PLTP: variants seen among roughly 807,000 people sequenced by gnomAD.
PLTP encodes phospholipid transfer protein, also known as BPI fold containing family E.
PLTP carries 43 observed loss-of-function variants against 54.1 expected under a neutral mutation model. The observed-to-expected ratio is 0.79, with a 90% confidence interval of 0.62 to 1.02. The LOEUF (loss-of-function observed/expected upper bound fraction) is 1.02. PLTP is among the 50% of genes least tolerant of loss of function. PLTP has a pLI of 0.00. For missense variants in PLTP, 604 were observed against 645.9 expected (o/e 0.94, Z 0.70); for synonymous variants, 263 against 264.6 (o/e 0.99, Z 0.06).
chr20:45,903,731 G>A (rs1287459171), intron 10 of PLTP, among the ~76,000 whole-genome samples: 1 of 151,992 alleles, frequency 6.6e-6, no homozygotes, highest in Admixed American at 6.6e-5. Context: ...TATTTTTCAG[G>A]CTGAGTCGTC....
At chr20:45,899,151 G>T in intron 15 of PLTP, 88 bp from the exon 16 acceptor site, 4 of 1,554,238 alleles carry the variant, frequency 2.6e-6, no homozygotes, top group Non-Finnish European at 3.5e-6. Context: ...TTGTCTTTCA[G>T]GAACTCAATC....
chr20:45,904,468 A>C (rs1368694658), intron 10 of PLTP, among the ~76,000 whole-genome samples: 1 of 151,622 alleles, frequency 6.6e-6, no homozygotes, highest in Non-Finnish European at 1.5e-5. Flanking sequence ...TGTCTCAAAA[A>C]AAAAAATAAA....
intron 13 of PLTP, 48 bp from the exon 14 acceptor site, chr20:45,899,733 T>G: frequency 6.2e-7 from 1 of 1,610,994 alleles, no homozygotes; most frequent in Non-Finnish European, 8.5e-7. Flanking sequence ...GGGTTGGGTT[T>G]GCCTTTAGCT....
At chr20:45,905,397 A>G (rs1175090602) in intron 8 of PLTP, among the ~76,000 whole-genome samples, 1 of 152,248 alleles carries the variant, frequency 6.6e-6, no homozygotes. Flanking sequence ...CAGTAACAAC[A>G]GCTACTGTTT....
intron 8 of PLTP, among the ~76,000 whole-genome samples, chr20:45,905,647 C>T (rs149331248): frequency 5.1e-4 from 77 of 152,302 alleles, no homozygotes; most frequent in African/African-American, 1.8e-3. Context: ...CACTATGATG[C>T]CCAAGCTGGT....
At chr20:45,911,521 C>T in intron 1 of PLTP, 58 bp from the exon 2 acceptor site, 1 of 1,595,206 alleles carries the variant, frequency 6.3e-7, no homozygotes, top group Non-Finnish European at 8.5e-7. Flanking sequence ...ATTCCTTGGA[C>T]GTCCAACCAT....
Position 45,910,505 on chromosome 20 carries a change from C to T in PLTP, c.201-435G>A, listed in dbSNP as rs569102274. Among the ~76,000 whole-genome samples the T allele has an allele frequency of 7.9e-5, 12 of 151,908 alleles. No individual in the cohort carries two copies. The South Asian group carries it at 2.5e-3, about 32-fold the overall frequency. On this transcript the variant is annotated intron_variant, in intron 3 of 15. Transcript: ENST00000372431. ...TGGCACGCGCCTGTAGTCCTAGCTA[C>T]TCGGGAGGCTGAGGCAGGAAAATCG... is the stretch of plus-strand genomic sequence containing the variant.
Position 45,911,208 on chromosome 20 carries a change from A to C in PLTP, c.144T>G (p.Thr48=), listed in dbSNP as rs1284202091. 6.2e-7 allele frequency: 1 copy of C among 1,614,094 alleles called. No homozygotes were observed. Among genetic ancestry groups the C allele is most frequent in the Admixed American group, 1.7e-5 (1 of 60,016 alleles). Residue 48 remains threonine (T), a synonymous_variant, in exon 3 of 16, where the codon ACT becomes ACG. Coordinates refer to ENST00000372431, the MANE Select transcript of PLTP (RefSeq NM_006227.4). The part of the protein sequence containing the change: ...GLRFLEQELE[T]ITIPDLRGKE... ...TGCCCCGCAGGTCCGGAATGGTGATAGTCTCCAGCTCTTGCTCCAGAAAGC... is the reference window on the plus strand; with the variant it reads ...TGCCCCGCAGGTCCGGAATGGTGATCGTCTCCAGCTCTTGCTCCAGAAAGC...
At position 45,907,853 on chromosome 20, in the gene PLTP, G is replaced by A. The variant is rs138461220; in HGVS notation, c.537C>T (p.Leu179=). 7.0e-4 allele frequency: 1,112 copies of A among 1,599,792 alleles called. 2 individuals carry two copies. The highest frequency in any genetic ancestry group is 8.8e-4 in the Non-Finnish European group (1,031 of 1,173,790). The change falls in exon 6 of 16, where the codon CTC becomes CTT. Residue 179 remains leucine (L), a synonymous_variant. Transcript: ENST00000372431. ...STFITSGMRF[L]LNQQICPVLY... ...TCGCTGCCCACACCTGCTGGTTGAG[G>A]AGGAAGCGCATCCCTGAGGTGATGA... is the stretch of plus-strand genomic sequence containing the variant.
In PLTP at chr20:45,911,378, G is replaced by A. The variant is rs377555165; in HGVS notation, c.75C>T (p.Arg25=). Residue 25 remains arginine (R), a synonymous_variant, in exon 2 of 16, where the codon CGC becomes CGT. Transcript: ENST00000372431. ...CCAGCTCCAGCGCCTTGGAGGTGACGCGGATCTTGCAGCCTGGGAACTCTG... is the reference window on the plus strand; with the variant it reads ...CCAGCTCCAGCGCCTTGGAGGTGACACGGATCTTGCAGCCTGGGAACTCTG... ...AHAEFPGCKI[R]VTSKALELVK... is the part of the protein sequence containing the mutation. 17 of 1,611,798 alleles carry A rather than the reference G, an allele frequency of 1.1e-5. No homozygotes were observed. The highest frequency in any genetic ancestry group is 2.7e-5 in the African/African-American group (2 of 74,932).
chr20:45,904,989 T>G lies in PLTP; in HGVS notation c.835A>C (p.Ser279Arg), dbSNP rs1187304913. ...SEFFFDSAME[S>R]YFRAGALQLL... The stretch of plus-strand genomic sequence containing the variant: ...TGCAGGGCCCCCGCCCGGAAGTAGC[T>G]CTCCATGGCAGAGTCGAAGAAGAAC... The change falls in exon 9 of 16, where the codon AGC becomes CGC. Residue 279 changes from serine to arginine, a missense_variant. Coordinates refer to ENST00000372431, the MANE Select transcript of PLTP (RefSeq NM_006227.4). 6.2e-7 allele frequency: 1 copy of G among 1,614,064 alleles called. No homozygotes were observed.
chr20:45,902,538 T>A lies in PLTP; in HGVS notation c.1009A>T (p.Ile337Phe). ...LRVLAPPRCT[I>F]KPSGTTISVT... The stretch of plus-strand genomic sequence containing the variant: ...GAGATGGTGGTGCCAGAGGGCTTGA[T>A]GGTGCAGCGCGGTGGGGCCAGGACC... The change falls in exon 11 of 16, where the codon ATC becomes TTC. Residue 337 changes from isoleucine (I) to phenylalanine (F), a missense_variant. Physicochemically the swap from Ile to Phe is conservative, Grantham distance 21 (BLOSUM62 0). Transcript: ENST00000372431. 6.2e-7 allele frequency: 1 copy of A among 1,614,076 alleles called. No homozygotes were observed. The highest frequency in any genetic ancestry group is 8.5e-7 in the Non-Finnish European group (1 of 1,179,942).
intron 10 of PLTP, among the ~76,000 whole-genome samples, chr20:45,903,422 G>A (rs2083205773): frequency 1.3e-5 from 2 of 152,150 alleles, no homozygotes; most frequent in Non-Finnish European, 2.9e-5. Context: ...TAGAGACGGG[G>A]TTTGGCCATG....
Position 45,909,968 on chromosome 20 carries a change from G to A in PLTP, c.303C>T (p.Phe101=), listed in dbSNP as rs773106200. The A allele has an allele frequency of 6.2e-7, 1 of 1,614,126 alleles. No homozygotes were observed. Among genetic ancestry groups the A allele is most frequent in the Non-Finnish European group, 8.5e-7 (1 of 1,180,006 alleles). ...QITNASLGLR[F]RRQLLYWFFY... is the part of the protein sequence containing the mutation. ...AGAACCAGTAGAGCAGCTGTCTCCGGAAGCGCAGCCCCAAGGAGGCATTGG... is the reference window on the plus strand; with the variant it reads ...AGAACCAGTAGAGCAGCTGTCTCCGAAAGCGCAGCCCCAAGGAGGCATTGG... The change falls in exon 4 of 16, where the codon TTC becomes TTT. Residue 101 remains phenylalanine, a synonymous_variant. Coordinates refer to ENST00000372431, the MANE Select transcript of PLTP (RefSeq NM_006227.4).
intron 10 of PLTP, among the ~76,000 whole-genome samples, chr20:45,903,616 A>G (rs11086985): frequency 0.51 from 78,137 of 152,102 alleles, 21,926 homozygotes; most frequent in Non-Finnish European, 0.64. Flanking sequence ...TTCACCAAAC[A>G]TGATTCTAAA....
rs774348757 is a variant in PLTP, at chr20:45,911,153, CAG to C, written c.197_198del (p.Ser66Ter). 3.1e-6 allele frequency: 5 copies of C among 1,613,302 alleles called. No individual in the cohort carries two copies. The South Asian group carries it at 5.5e-5, about 18-fold the overall frequency. ...GKEGHFYYNI[S>X]EVKVTELQLT... ...CGCGAGGCCCCGCCCCCCACTTACT[CAG>C]AGATGTTGTAGTAGAAGTGGCCTTC... On this transcript the variant is annotated frameshift_variant and splice_region_variant, in exon 3 of 16. Coordinates refer to ENST00000372431, the MANE Select transcript of PLTP (RefSeq NM_006227.4). LOFTEE classifies it high-confidence loss of function.
At chr20:45,909,820 G>T in intron 4 of PLTP, 122 bp downstream of exon 4, 1 of 1,452,086 alleles carries the variant, frequency 6.9e-7, no homozygotes, top group Non-Finnish European at 9.6e-7. Flanking sequence ...GCATATGCCT[G>T]TTTCTGTTAC....
Position 45,911,350 on chromosome 20 carries a change from T to A in PLTP, c.100+3A>T. Reference sequence around the variant, plus strand: ...TCCGTCCCTGTCTGCCCCTGCGCCTTACCCAGCTCCAGCGCCTTGGAGGTG... The same window carrying A: ...TCCGTCCCTGTCTGCCCCTGCGCCTAACCCAGCTCCAGCGCCTTGGAGGTG... On this transcript the variant is annotated splice_donor_region_variant and intron_variant, in intron 2 of 15. Coordinates refer to ENST00000372431, the MANE Select transcript of PLTP (RefSeq NM_006227.4). 6.2e-7 allele frequency: 1 copy of A among 1,613,406 alleles called. No homozygotes were observed. Among genetic ancestry groups the A allele is most frequent in the Non-Finnish European group, 8.5e-7 (1 of 1,179,990 alleles).
Position 45,898,715 on chromosome 20 carries a change from A to C in PLTP, c.*226T>G. 1 of 662,148 alleles carries C rather than the reference A, an allele frequency of 1.5e-6. No individual in the cohort carries two copies. The highest frequency in any genetic ancestry group is 1.9e-5 in the South Asian group (1 of 53,652). 41.0% of individuals were successfully genotyped at this position (662,148 alleles called of 1,614,324 possible). On this transcript the variant is annotated 3_prime_UTR_variant, in exon 16 of 16. Transcript: ENST00000372431. This position sits in a 1 kb window ranked among gnomAD's most constrained non-coding sequence, Gnocchi z 4.6. ...AAAGAATGCCCTTTATGATGCACTGATTCCATCCCAGGAACCCAACAGAGC... is the reference window on the plus strand; with the variant it reads ...AAAGAATGCCCTTTATGATGCACTGCTTCCATCCCAGGAACCCAACAGAGC...
Sources: allele counts gnomAD v4.1 joint callset (sites outside exome capture counted in the v4.1 genomes callset), GRCh38; gene constraint gnomAD v4.1.1; non-coding constraint Gnocchi (gnomAD v3.1); transcripts MANE v1.5; gene names NCBI Gene and HGNC (gene_info 2026-07-23, HGNC 2026-07-21).